The following CD8B2 variants were observed in gnomAD, a reference collection of about 807,000 sequenced individuals.
CD8B2 encodes T-cell surface glycoprotein CD8 beta-2 chain.
CD8B2 carries 11 observed loss-of-function variants against 23.7 expected under a neutral mutation model. The ratio of observed to expected loss-of-function variants is 0.46; its 90% CI spans 0.29 to 0.77. The LOEUF is 0.77. Ranked by LOEUF, CD8B2 falls within the 30% of genes least tolerant of loss-of-function variation. The pLI, the probability that CD8B2 is intolerant of heterozygous loss-of-function variation, is 0.09. For synonymous variants in CD8B2, 90 were observed against 109.3 expected (o/e 0.82, Z 1.10); for missense variants, 197 against 270.5 (o/e 0.73, Z 1.91).
At chr2:106,516,074 C>T (rs566045378), downstream of CD8B2, among the ~76,000 whole-genome samples, 26 of 152,058 alleles carry the variant, frequency 1.7e-4, no homozygotes, top group Non-Finnish European at 3.7e-4. Context: ...AGGTAATCCA[C>T]CCGCCTTGGC....
chr2:106,516,357 G>A (rs1679729672), intron 5 of CD8B2, among the ~76,000 whole-genome samples: 1 of 152,096 alleles, frequency 6.6e-6, no homozygotes, highest in Non-Finnish European at 1.5e-5. Context: ...GTGGCCTCTG[G>A]GTTTCCGAGG....
chr2:106,529,212 T>C (rs1269275199), intron 5 of CD8B2, among the ~76,000 whole-genome samples: 1 of 152,216 alleles, frequency 6.6e-6, no homozygotes, highest in Admixed American at 6.5e-5. Flanking sequence ...TTAAGTAAAC[T>C]GATAAATGGA....
chr2:106,504,931 G>T (rs1216263387), intron 5 of CD8B2, among the ~76,000 whole-genome samples: 3 of 152,178 alleles, frequency 2.0e-5, no homozygotes, highest in Admixed American at 2.0e-4. Context: ...AGCTGCCTTT[G>T]TCCCACCTGC....
intron 2 of CD8B2, among the ~76,000 whole-genome samples, chr2:106,495,259 C>CGGT (rs1383849066): frequency 6.6e-6 from 1 of 151,022 alleles, no homozygotes; most frequent in Non-Finnish European, 1.5e-5. Flanking sequence ...CGGCCGGGTG[C>CGGT]GGTGGCTCGT....
intron 5 of CD8B2, among the ~76,000 whole-genome samples, chr2:106,505,192 A>C (rs71419329): frequency 6.6e-6 from 1 of 152,102 alleles, no homozygotes; most frequent in African/African-American, 2.4e-5. Flanking sequence ...TTGTTCCTCA[A>C]AACAGAGACT....
At chr2:106,522,050 C>T (rs1272272470) in intron 5 of CD8B2, 1 of 152,212 alleles carries the variant, frequency 6.6e-6, no homozygotes, top group Non-Finnish European at 1.5e-5. Context: ...TGCCCACATT[C>T]AGGGAAGATC....
chr2:106,502,936 G>A (rs1009939807), intron 4 of CD8B2, among the ~76,000 whole-genome samples: 2 of 151,882 alleles, frequency 1.3e-5, no homozygotes, highest in South Asian at 2.1e-4. Flanking sequence ...GGGAACTCAC[G>A]TGAGCAGTTG....
chr2:106,524,279 C>T (rs1679876176), intron 5 of CD8B2, among the ~76,000 whole-genome samples: 1 of 152,132 alleles, frequency 6.6e-6, no homozygotes, highest in South Asian at 2.1e-4. Context: ...GCCATTGTCC[C>T]TTTGTATATT....
intron 1 of CD8B2, among the ~76,000 whole-genome samples, chr2:106,489,042 G>A (rs1027855267): frequency 1.2e-4 from 17 of 144,400 alleles, no homozygotes; most frequent in African/African-American, 2.8e-4. Flanking sequence ...TTGCTCTGTC[G>A]CCCAGGCTGG....
chr2:106,488,369 T>C (rs1467431039), intron 1 of CD8B2, among the ~76,000 whole-genome samples: 2 of 151,726 alleles, frequency 1.3e-5, no homozygotes, highest in African/African-American at 4.8e-5. Flanking sequence ...CCTGGCTCCA[T>C]GTCCAGCACA....
chr2:106,539,771 T>C (rs1390347031), intron 5 of CD8B2, among the ~76,000 whole-genome samples: 1 of 152,204 alleles, frequency 6.6e-6, no homozygotes, highest in Non-Finnish European at 1.5e-5. Context: ...CTCCTTTGGC[T>C]GATAAAATAA....
intron 5 of CD8B2, among the ~76,000 whole-genome samples, chr2:106,526,697 C>G (rs1679912348): frequency 6.6e-6 from 1 of 152,158 alleles, no homozygotes; most frequent in African/African-American, 2.4e-5. Context: ...GTTGCCCAGG[C>G]TGGAGTGCAA....
At chr2:106,493,795 C>T (rs115372209) in intron 2 of CD8B2, among the ~76,000 whole-genome samples, 1 of 152,172 alleles carries the variant, frequency 6.6e-6, no homozygotes, top group Admixed American at 6.5e-5. Flanking sequence ...CAGATACTGG[C>T]TCTGCAGCCA....
downstream of CD8B2, among the ~76,000 whole-genome samples, chr2:106,511,764 G>A (rs531571089): frequency 9.9e-5 from 15 of 152,114 alleles, no homozygotes; most frequent in Non-Finnish European, 1.6e-4. Context: ...CCTTCGATGC[G>A]TCACTGACAC....
chr2:106,500,676 T>C (rs931021844), intron 3 of CD8B2, among the ~76,000 whole-genome samples: 3 of 152,116 alleles, frequency 2.0e-5, no homozygotes, highest in Non-Finnish European at 4.4e-5. Context: ...TCCACAATGC[T>C]TTCCAATTTT....
Position 106,502,532 on chromosome 2 carries a change from G to A in CD8B2, c.552G>A (p.Leu184=), listed in dbSNP as rs1465889759. The change falls in exon 4 of 6, where the codon CTG becomes CTA. Residue 184 remains leucine (L), a synonymous_variant. Transcript: ENST00000643224. ...GLLVAGVLVL[L]VSLGVAMHLC... is the part of the protein sequence containing the mutation. ...TGGTGGCTGGCGTCCTGGTTCTGCT[G>A]GTTTCCCTGGGAGTGGCCATGCACC... is the stretch of plus-strand genomic sequence containing the variant. 2 of 1,582,136 alleles carry A rather than the reference G, an allele frequency of 1.3e-6. No homozygotes were observed. The highest frequency in any genetic ancestry group is 1.7e-6 in the Non-Finnish European group (2 of 1,163,244).
chr2:106,517,464 T>C, intron 5 of CD8B2, among the ~76,000 whole-genome samples: 1 of 152,126 alleles, frequency 6.6e-6, no homozygotes, highest in East Asian at 1.9e-4. Flanking sequence ...CTCCGCTGAC[T>C]CTCGGTTGCC....
intron 5 of CD8B2, among the ~76,000 whole-genome samples, chr2:106,520,947 T>C (rs1051771880): frequency 2.1e-5 from 3 of 140,842 alleles, no homozygotes; most frequent in Admixed American, 7.4e-5. Flanking sequence ...GGAGGCTTAA[T>C]AGGCAAAAGA....
Position 106,499,642 on chromosome 2 carries a change from G to A in CD8B2, c.494-2832G>A, listed in dbSNP as rs539636642. Among the ~76,000 whole-genome samples the A allele has an allele frequency of 5.3e-5, 8 of 152,076 alleles. No individual in the cohort carries two copies. The South Asian group carries it at 1.5e-3, about 28-fold the overall frequency. On this transcript the variant is annotated intron_variant, in intron 3 of 5. Coordinates refer to ENST00000643224, the MANE Select transcript of CD8B2 (RefSeq NM_001349727.2). The stretch of plus-strand genomic sequence containing the variant: ...TTTGGGTAAATTTACCAAGTTGGGC[G>A]ACCGTTACCGTAATCTAGTTTCAGA...
Sources: allele counts gnomAD v4.1 joint callset (sites outside exome capture counted in the v4.1 genomes callset), GRCh38; gene constraint gnomAD v4.1.1; transcripts MANE v1.5; gene names NCBI Gene and HGNC (gene_info 2026-07-23, HGNC 2026-07-21).